Variants in CEP162 observed in about 807,000 individuals in gnomAD.
The protein encoded by CEP162 is centrosomal protein of 162 kDa.
Under a neutral mutation model 169.2 loss-of-function variants are expected in CEP162, and 141 were observed. The observed-to-expected ratio is 0.83, with a 90% CI of 0.73 to 0.96. The LOEUF (loss-of-function observed/expected upper bound fraction) is 0.96, where lower values mean the gene tolerates loss of function less well. CEP162 is among the 40% of genes least tolerant of loss of function. CEP162 has a pLI of 0.00. For missense variants in CEP162, 1,600 were observed against 1,587.2 expected (o/e 1.01, Z -0.14); for synonymous variants, 540 against 526.4 (o/e 1.03, Z -0.35).
chr6:84,131,067 A>G (rs987755079), intron 25 of CEP162, among the ~76,000 whole-genome samples: 2 of 152,074 alleles, frequency 1.3e-5, no homozygotes, highest in African/African-American at 4.8e-5. Context: ...CTTTGTTCTC[A>G]CTGGTTTCAA....
chr6:84,152,772 C>T lies in CEP162; in HGVS notation c.3402G>A (p.Arg1134=). The change falls in exon 23 of 27, where the codon AGG becomes AGA. Residue 1134 remains arginine (R), a synonymous_variant. Transcript: ENST00000403245. ...TTGAGTGCAAAACATCTTTCTTTGC[C>T]CTTTTGGCAGACATTTCCTCTCTGC... ...SKGREEMSAK[R]AKKDVLHSSK... is the part of the protein sequence containing the mutation. 1.2e-6 allele frequency: 2 copies of T among 1,613,346 alleles called. No individual in the cohort carries two copies. The highest frequency in any genetic ancestry group is 1.7e-6 in the Non-Finnish European group (2 of 1,179,686).
chr6:84,220,953 A>C (rs2099553514), intron 3 of CEP162, 104 bp downstream of exon 3: 1 of 589,738 alleles, frequency 1.7e-6, no homozygotes, highest in Non-Finnish European at 3.0e-6. Context: ...CCACACTATT[A>C]GTATTATTTT....
At chr6:84,188,820 C>G (rs2099538382) in intron 11 of CEP162, among the ~76,000 whole-genome samples, 2 of 152,198 alleles carry the variant, frequency 1.3e-5, no homozygotes, top group Admixed American at 1.3e-4. Context: ...TTGCTTTCCA[C>G]AATGGCTGAA....
At chr6:84,211,526 CAA>C (rs960472453) in intron 6 of CEP162, among the ~76,000 whole-genome samples, 2,574 of 35,218 alleles carry the variant, frequency 0.073, 34 homozygotes, top group African/African-American at 0.19. Context: ...GATTCTATCT[CAA>C]AAAAAAAAAA....
intron 6 of CEP162, among the ~76,000 whole-genome samples, chr6:84,212,628 T>C (rs915986909): frequency 6.6e-6 from 1 of 151,584 alleles, no homozygotes; most frequent in Non-Finnish European, 1.5e-5. Flanking sequence ...AACAAGAAGA[T>C]GAAAAGAAAA....
rs191279977 is a variant in CEP162, at chr6:84,189,566, G to A, written c.1110-2943C>T. Among the ~76,000 whole-genome samples, 518 of 152,322 alleles carry A rather than the reference G, an allele frequency of 3.4e-3. 2 individuals carry two copies. The highest frequency in any genetic ancestry group is 0.011 in the African/African-American group (465 of 41,584). On this transcript the variant is annotated intron_variant, in intron 11 of 26. Coordinates refer to ENST00000403245, the MANE Select transcript of CEP162 (RefSeq NM_014895.4). ...CCCCCAGCAGTGCTGGCCCACCGGC[G>A]CTGCGCTCGATTTCTCGCCGGGCCT...
At chr6:84,161,261 T>C (rs879823532) in intron 20 of CEP162, among the ~76,000 whole-genome samples, 7 of 151,930 alleles carry the variant, frequency 4.6e-5, no homozygotes, top group Admixed American at 2.6e-4. Flanking sequence ...AGTGAAGGGA[T>C]AGGAACAAAG....
Position 84,125,189 on chromosome 6 carries a change from C to T in CEP162, c.4093G>A (p.Glu1365Lys), listed in dbSNP as rs777189034. Reference sequence around the variant, plus strand: ...AGTTCTGTGCGGAACTTCTCCAGCTCACGATTCTTTAACTGTGCCAGTCTT... The same window carrying T: ...AGTTCTGTGCGGAACTTCTCCAGCTTACGATTCTTTAACTGTGCCAGTCTT... ...WKRLAQLKNR[E>K]LEKFRTELDS... The change falls in exon 27 of 27, where the codon GAG becomes AAG. Residue 1365 changes from glutamate (E) to lysine (K), a missense_variant. Transcript: ENST00000403245. 3.1e-6 allele frequency: 5 copies of T among 1,613,670 alleles called. No individual in the cohort carries two copies. The Admixed American group carries it at 8.3e-5, about 27-fold the overall frequency.
intron 9 of CEP162, among the ~76,000 whole-genome samples, chr6:84,198,912 T>A (rs891860957): frequency 2.0e-5 from 3 of 152,192 alleles, no homozygotes; most frequent in Admixed American, 1.3e-4. Context: ...TAGAACCTAA[T>A]CTGCATAATA....
chr6:84,134,962 AG>A (rs1473144983), intron 25 of CEP162, among the ~76,000 whole-genome samples: 1 of 151,438 alleles, frequency 6.6e-6, no homozygotes, highest in African/African-American at 2.4e-5. Flanking sequence ...ACACATATAT[AG>A]TGTTAGGTTA....
intron 9 of CEP162, among the ~76,000 whole-genome samples, chr6:84,197,842 A>AG (rs1388230803): frequency 0.036 from 5,367 of 150,796 alleles, 186 homozygotes; most frequent in African/African-American, 0.089. Context: ...AAAAAAAAAA[A>AG]AGAGAGAAAG....
intron 16 of CEP162, among the ~76,000 whole-genome samples, chr6:84,172,587 G>A (rs1263660447): frequency 1.3e-5 from 2 of 152,032 alleles, no homozygotes; most frequent in African/African-American, 2.4e-5. Context: ...GGGGTTGGTC[G>A]GCATACTTAT....
intron 25 of CEP162, among the ~76,000 whole-genome samples, chr6:84,139,867 A>G (rs1308358570): frequency 6.7e-6 from 1 of 150,336 alleles, no homozygotes; most frequent in East Asian, 1.9e-4. Flanking sequence ...TGTTGTGAGA[A>G]GGAGAATCAC....
In CEP162 at chr6:84,221,806, A is replaced by G. The variant is rs193137378; in HGVS notation, c.58-635T>C. 4.6e-5 allele frequency among the ~76,000 whole-genome samples: 7 copies of G among 152,136 alleles called. No homozygotes were observed. The East Asian group carries it at 1.4e-3, about 30-fold the overall frequency. On this transcript the variant is annotated intron_variant, in intron 2 of 26. Transcript: ENST00000403245. ...ACACCACCCACCTCACTCCACTACT[A>G]AACTTACTTGTGAAGGCACTTCTTT...
intron 9 of CEP162, 137 bp from the exon 10 acceptor site, chr6:84,195,212 C>G (rs1427825804): frequency 1.4e-6 from 1 of 697,350 alleles, no homozygotes; most frequent in Non-Finnish European, 2.3e-6. Flanking sequence ...GCAGCTATGG[C>G]CTACCAGCAT....
Position 84,155,389 on chromosome 6 carries a change from C to A in CEP162, c.2903G>T (p.Arg968Met), listed in dbSNP as rs771727386. The change falls in exon 22 of 27, where the codon AGG becomes ATG. Residue 968 changes from arginine to methionine, a missense_variant. Coordinates refer to ENST00000403245, the MANE Select transcript of CEP162 (RefSeq NM_014895.4). ...DKNTVEFMEKRIKKLEADLEG... is the reference protein window; with the variant it reads ...DKNTVEFMEKMIKKLEADLEG... ...CAGATCAGCTTCTAGCTTTTTTATC[C>A]TTTTCTCCATAAATTCCACTGTATT... 2.5e-6 allele frequency: 4 copies of A among 1,613,460 alleles called. No homozygotes were observed. Among genetic ancestry groups the A allele is most frequent in the Non-Finnish European group, 1.7e-6 (2 of 1,179,698 alleles).
intron 6 of CEP162, among the ~76,000 whole-genome samples, chr6:84,210,006 A>G (rs540008702): frequency 6.6e-6 from 1 of 152,362 alleles, no homozygotes; most frequent in South Asian, 2.1e-4. Context: ...AATTAAGTTT[A>G]TATAAAAATG....
intron 18 of CEP162, 84 bp downstream of exon 18, chr6:84,169,244 T>C: frequency 3.9e-6 from 3 of 769,902 alleles, no homozygotes; most frequent in Non-Finnish European, 6.2e-6. Context: ...TTCTATGTAA[T>C]TTTTTAATAA....
Position 84,209,531 on chromosome 6 carries a change from C to A in CEP162, c.571+3426G>T, listed in dbSNP as rs992460564. ...CTGGGATTACAGGTGCCCGCCACCA[C>A]GCCCGGCTAATTTTTTGTATTTTTA... On this transcript the variant is annotated intron_variant, in intron 6 of 26. Coordinates refer to ENST00000403245, the MANE Select transcript of CEP162 (RefSeq NM_014895.4). Among the ~76,000 whole-genome samples, 4 of 151,926 alleles carry A rather than the reference C, an allele frequency of 2.6e-5. No homozygotes were observed. In the East Asian group the frequency reaches 5.8e-4, roughly 22 times the overall value.
Sources: gnomAD v4.1 joint callset for allele counts (sites outside exome capture counted in the v4.1 genomes callset) on GRCh38, gnomAD v4.1.1 for gene constraint, MANE v1.5 for transcripts, NCBI Gene and HGNC (gene_info 2026-07-23, HGNC 2026-07-21) for gene names.